DRD2: variants seen among roughly 807,000 people sequenced by gnomAD.
DRD2 encodes the protein dopamine receptor D2.
In DRD2, 8 loss-of-function variants were observed where a neutral mutation model predicts 38.0. The observed-to-expected ratio is 0.21, with a 90% confidence interval of 0.12 to 0.38. The LOEUF (loss-of-function observed/expected upper bound fraction) is 0.38. Among genes scored for constraint, DRD2 ranks in the 10% least tolerant of loss-of-function variants. The pLI, the probability that DRD2 is intolerant of heterozygous loss-of-function variation, is 1.00. For synonymous variants in DRD2, 230 were observed against 238.6 expected (o/e 0.96, Z 0.33); for missense variants, 403 against 607.7 (o/e 0.66, Z 3.54).
At chr11:113,458,924 G>C (rs1951291750) in intron 1 of DRD2, among the ~76,000 whole-genome samples, 1 of 152,170 alleles carries the variant, frequency 6.6e-6, no homozygotes, top group South Asian at 2.1e-4. Flanking sequence ...GGGGAAATAA[G>C]AGGCAAGCCA....
chr11:113,471,050 C>T lies in DRD2; in HGVS notation c.-32+4026G>A, dbSNP rs140913852. 5.9e-4 allele frequency among the ~76,000 whole-genome samples: 90 copies of T among 152,310 alleles called. No individual in the cohort carries two copies. The East Asian group carries it at 0.016, about 27-fold the overall frequency. On this transcript the variant is annotated intron_variant, in intron 1 of 7. Transcript: ENST00000362072. ...AAAGAAAAATCTGCAATTCTGAGGG[C>T]AAATTTCTCTCCTTTCTCTGGACCC...
intron 1 of DRD2, among the ~76,000 whole-genome samples, chr11:113,431,948 C>T (rs569696043): frequency 1.0e-3 from 154 of 152,324 alleles, no homozygotes; most frequent in Non-Finnish European, 4.0e-4. Flanking sequence ...CACTGCACTG[C>T]CCCCCAGGAG....
At chr11:113,411,051 T>A in intron 7 of DRD2, 131 bp from the exon 8 acceptor site, 1 of 1,002,016 alleles carries the variant, frequency 1.0e-6, no homozygotes, top group East Asian at 2.6e-5. Flanking sequence ...GTAGGAGGAG[T>A]CCAGGTCTTG....
intron 1 of DRD2, among the ~76,000 whole-genome samples, chr11:113,441,995 C>T (rs1052159807): frequency 6.6e-6 from 1 of 152,060 alleles, no homozygotes; most frequent in African/African-American, 2.4e-5. Flanking sequence ...CCCACATCCC[C>T]CGTATATGGT....
At position 113,454,012 on chromosome 11, in the gene DRD2, G is replaced by A. The variant is rs375906238; in HGVS notation, c.-32+21064C>T. Among the ~76,000 whole-genome samples, 5 of 152,210 alleles carry A rather than the reference G, an allele frequency of 3.3e-5. No homozygotes were observed. The South Asian group carries it at 1.0e-3, about 32-fold the overall frequency. ...AGAACCTGGCACATCCCAAATACTG[G>A]GAAAGACATTTTATATATGGACAGT... is the stretch of plus-strand genomic sequence containing the variant. On this transcript the variant is annotated intron_variant, in intron 1 of 7. Coordinates refer to ENST00000362072, the MANE Select transcript of DRD2 (RefSeq NM_000795.4).
Position 113,410,738 on chromosome 11 carries a change from G to T in DRD2, c.1321C>A (p.Leu441Ile), listed in dbSNP as rs1223741945. 1.2e-6 allele frequency: 2 copies of T among 1,614,254 alleles called. No individual in the cohort carries two copies. Among genetic ancestry groups the T allele is most frequent in the East Asian group, 4.5e-5 (2 of 44,888 alleles). Residue 441 changes from leucine (L) to isoleucine (I), a missense_variant, in exon 8 of 8, where the codon CTC (leucine) becomes ATC (isoleucine). Leu to Ile is a conservative substitution (Grantham distance 5). Transcript: ENST00000362072. ...IEFRKAFLKILHC is the reference protein window; with the variant it reads ...IEFRKAFLKIIHC ...GGCAGGCAGCAGAGTCAGCAGTGGA[G>T]GATCTTCAGGAAGGCCTTGCGGAAC... is the stretch of plus-strand genomic sequence containing the variant.
At chr11:113,431,952 C>T (rs1430207827) in intron 1 of DRD2, among the ~76,000 whole-genome samples, 1 of 152,218 alleles carries the variant, frequency 6.6e-6, no homozygotes, top group Non-Finnish European at 1.5e-5. Flanking sequence ...GCACTGCCCC[C>T]CAGGAGTAGA....
In DRD2 at chr11:113,424,671, G is replaced by C; in HGVS notation, c.-20C>G. On this transcript the variant is annotated 5_prime_UTR_variant, in exon 2 of 8. Coordinates refer to ENST00000362072, the MANE Select transcript of DRD2 (RefSeq NM_000795.4). ...ATCCATCAGGGCGGTGGAGCCACTGGGTGGCCAGGCTCTGGCCAGGAAAAA... is the reference window on the plus strand; with the variant it reads ...ATCCATCAGGGCGGTGGAGCCACTGCGTGGCCAGGCTCTGGCCAGGAAAAA... The C allele has an allele frequency of 6.2e-7, 1 of 1,613,742 alleles. No homozygotes were observed. The highest frequency in any genetic ancestry group is 8.5e-7 in the Non-Finnish European group (1 of 1,180,028).
rs926428251 is a variant in DRD2, at chr11:113,422,015, C to T, written c.285+2352G>A. The stretch of plus-strand genomic sequence containing the variant: ...AAGACTTACAGATTCCTGGGAACCC[C>T]CTATAGCCCATGTATGGATTTGTCC... On this transcript the variant is annotated intron_variant, in intron 2 of 7. Transcript: ENST00000362072. 7.9e-5 allele frequency among the ~76,000 whole-genome samples: 12 copies of T among 152,204 alleles called. No individual in the cohort carries two copies. The East Asian group carries it at 2.1e-3, about 27-fold the overall frequency.
intron 1 of DRD2, among the ~76,000 whole-genome samples, chr11:113,452,435 CGTGTGTGTGTGT>C (rs759448996): frequency 5.1e-4 from 66 of 130,398 alleles, no homozygotes; most frequent in Middle Eastern, 4.2e-3. Flanking sequence ...GGTGTGCATG[CGTGTGTGTGTGT>C]GTGTGTGTGT....
chr11:113,467,066 C>T (rs1591305037), intron 1 of DRD2, among the ~76,000 whole-genome samples: 1 of 152,052 alleles, frequency 6.6e-6, no homozygotes, highest in African/African-American at 2.4e-5. Context: ...CGGTGGGAGG[C>T]GGTGCTGACA....
At chr11:113,421,794 G>C (rs1950886822) in intron 2 of DRD2, among the ~76,000 whole-genome samples, 1 of 152,168 alleles carries the variant, frequency 6.6e-6, no homozygotes, top group Admixed American at 6.5e-5. Flanking sequence ...CGTCACCTGG[G>C]ACGTTCTCTA....
Position 113,412,508 on chromosome 11 carries a change from G to A in DRD2, c.1138+48C>T, listed in dbSNP as rs186184893. The A allele has an allele frequency of 1.9e-4, 308 of 1,600,564 alleles. No individual in the cohort carries two copies. In the East Asian group the frequency reaches 5.7e-3, roughly 30 times the overall value. Reference sequence around the variant, plus strand: ...GGTTAGGAAGGACATGGCAGGGAATGGGACCTTTCACAGACCGGGCTGTGG... The same window carrying A: ...GGTTAGGAAGGACATGGCAGGGAATAGGACCTTTCACAGACCGGGCTGTGG... On this transcript the variant is annotated intron_variant, in intron 7 of 7. Transcript: ENST00000362072.
At chr11:113,453,410 A>G (rs1346280762) in intron 1 of DRD2, among the ~76,000 whole-genome samples, 1 of 152,230 alleles carries the variant, frequency 6.6e-6, no homozygotes, top group African/African-American at 2.4e-5. Flanking sequence ...ATACGCACTC[A>G]GTCCGTGTTA....
intron 1 of DRD2, chr11:113,425,005 CAGGCTTGCTACCTTCT>C: frequency 5.7e-6 from 2 of 349,208 alleles, no homozygotes; most frequent in Non-Finnish European, 1.1e-5. Context: ...TTCAGTTAAC[CAGGCTTGCTACCTTCT>C]AGTCATCGAA....
intron 1 of DRD2, among the ~76,000 whole-genome samples, chr11:113,442,308 C>T (rs1437066313): frequency 6.6e-6 from 1 of 152,184 alleles, no homozygotes; most frequent in African/African-American, 2.4e-5. Context: ...CATTAACTAC[C>T]AGGTCCCAGA....
intron 1 of DRD2, among the ~76,000 whole-genome samples, chr11:113,461,637 C>G (rs1329724511): frequency 3.3e-5 from 5 of 152,116 alleles, no homozygotes; most frequent in African/African-American, 1.2e-4. Context: ...GACTCTGCCC[C>G]CAAAAGATCC....
Position 113,434,726 on chromosome 11 carries a change from C to T in DRD2, c.-31-10044G>A, listed in dbSNP as rs766436260. On this transcript the variant is annotated intron_variant, in intron 1 of 7. Transcript: ENST00000362072. ...GGAAGGCCCAGGGCTTCAGAGTGTC[C>T]AGGTTGGCAGCACCCTGTGGGAGGG... Among the ~76,000 whole-genome samples, 80 of 152,264 alleles carry T rather than the reference C, an allele frequency of 5.3e-4. 1 individual carries two copies. The highest frequency in any genetic ancestry group is 3.9e-4 in the Admixed American group (6 of 15,292).
intron 7 of DRD2, 25 bp downstream of exon 7, chr11:113,412,531 T>G (rs1330885056): frequency 1.2e-6 from 2 of 1,608,628 alleles, no homozygotes; most frequent in Non-Finnish European, 1.7e-6. Flanking sequence ...GACCGGGCTG[T>G]GGCCAGCAGC....
Sources: gnomAD v4.1 joint callset for allele counts (sites outside exome capture counted in the v4.1 genomes callset) on GRCh38, gnomAD v4.1.1 for gene constraint, MANE v1.5 for transcripts, NCBI Gene and HGNC (gene_info 2026-07-23, HGNC 2026-07-21) for gene names.